Variants in SHISA9 observed in about 807,000 individuals in gnomAD.
The protein encoded by SHISA9 is protein shisa-9.
Under a neutral mutation model 38.0 loss-of-function variants are expected in SHISA9, and 13 were observed. The observed-to-expected ratio is 0.34, with a 90% CI of 0.22 to 0.54. The LOEUF (loss-of-function observed/expected upper bound fraction) is 0.54. Ranked by LOEUF, SHISA9 falls within the 20% of genes least tolerant of loss-of-function variation. The pLI is 0.91. For synonymous variants in SHISA9, 275 were observed against 242.0 expected (o/e 1.14, Z -1.27); for missense variants, 538 against 575.8 (o/e 0.93, Z 0.67).
chr16:13,268,877 T>G, the SHISA9 span, among the ~76,000 whole-genome samples: 1 of 152,196 alleles, frequency 6.6e-6, no homozygotes, highest in African/African-American at 2.4e-5. Context: ...GGACACATGA[T>G]ACCAGTTATA....
chr16:12,991,192 C>T (rs1026049808), intron 2 of SHISA9, among the ~76,000 whole-genome samples: 2 of 152,152 alleles, frequency 1.3e-5, no homozygotes, highest in Non-Finnish European at 2.9e-5. Context: ...TCATGCCCCT[C>T]ACCCATTTTT....
intron 2 of SHISA9, among the ~76,000 whole-genome samples, chr16:12,983,682 G>T (rs1327078624): frequency 6.6e-6 from 1 of 152,128 alleles, no homozygotes; most frequent in African/African-American, 2.4e-5. Flanking sequence ...TAGTGACAGG[G>T]TTTCACCATG....
chr16:12,942,614 G>C lies in SHISA9; in HGVS notation c.691+25799G>C, dbSNP rs570500444. On this transcript the variant is annotated intron_variant, in intron 2 of 4. Coordinates refer to ENST00000558583, the MANE Select transcript of SHISA9 (RefSeq NM_001145204.3). ...ATTGTGCTTTGAGAAATAAGTGCTA[G>C]AAAAAAGCTTTGCTGGTCCTAAGGA... Among the ~76,000 whole-genome samples the C allele has an allele frequency of 2.0e-4, 31 of 152,268 alleles. No individual in the cohort carries two copies. In the South Asian group the frequency reaches 6.4e-3, roughly 32 times the overall value.
chr16:13,329,798 G>A, the SHISA9 span, among the ~76,000 whole-genome samples: 4 of 152,134 alleles, frequency 2.6e-5, no homozygotes, highest in East Asian at 1.9e-4. Context: ...TGTTGCGTCC[G>A]TCCTGGAAAG....
chr16:12,914,562 T>G (rs2071229232), intron 1 of SHISA9, among the ~76,000 whole-genome samples: 1 of 152,142 alleles, frequency 6.6e-6, no homozygotes, highest in African/African-American at 2.4e-5. Context: ...AGTCTTTTCC[T>G]CTCATTCATA....
the SHISA9 span, among the ~76,000 whole-genome samples, chr16:13,343,767 T>A: frequency 6.6e-6 from 1 of 152,182 alleles, no homozygotes; most frequent in Non-Finnish European, 1.5e-5. Flanking sequence ...AAAGGCTGAC[T>A]AATTATATTA....
chr16:13,257,957 A>G, the SHISA9 span, among the ~76,000 whole-genome samples: 1 of 152,238 alleles, frequency 6.6e-6, no homozygotes, highest in African/African-American at 2.4e-5. Context: ...TAAAAACATC[A>G]TGACCAGACT....
chr16:13,305,735 C>T, the SHISA9 span, among the ~76,000 whole-genome samples: 1 of 152,188 alleles, frequency 6.6e-6, no homozygotes, highest in African/African-American at 2.4e-5. Context: ...AATAACCCAA[C>T]TAGATCACTT....
chr16:13,278,204 G>T, the SHISA9 span, among the ~76,000 whole-genome samples: 1 of 151,952 alleles, frequency 6.6e-6, no homozygotes, highest in South Asian at 2.1e-4. Flanking sequence ...TTCTGTTTAC[G>T]TGGTGTATCA....
the SHISA9 span, among the ~76,000 whole-genome samples, chr16:13,324,537 A>G: frequency 6.6e-6 from 1 of 152,020 alleles, no homozygotes. Flanking sequence ...AAGTAATTTC[A>G]CTTCTATGAG....
chr16:13,276,731 A>G, the SHISA9 span, among the ~76,000 whole-genome samples: 4 of 151,972 alleles, frequency 2.6e-5, no homozygotes, highest in Admixed American at 6.6e-5. Flanking sequence ...AAAACTGTCT[A>G]TTCATATCCT....
intron 2 of SHISA9, among the ~76,000 whole-genome samples, chr16:12,917,364 G>A (rs2071271981): frequency 6.6e-6 from 1 of 152,106 alleles, no homozygotes; most frequent in Admixed American, 6.6e-5. Context: ...GGGGTGCAGG[G>A]AGTGGTTATT....
At chr16:13,528,425 A>G in the SHISA9 span, among the ~76,000 whole-genome samples, 4 of 151,754 alleles carry the variant, frequency 2.6e-5, no homozygotes, top group Non-Finnish European at 5.9e-5. Context: ...AAAAAAAAAT[A>G]AGAAAAAAAG....
chr16:13,088,336 T>C (rs1392863418), intron 2 of SHISA9, among the ~76,000 whole-genome samples: 1 of 152,212 alleles, frequency 6.6e-6, no homozygotes. Context: ...TGTAGTTTTT[T>C]CCAATTCTGT....
intron 2 of SHISA9, among the ~76,000 whole-genome samples, chr16:13,044,978 A>G (rs2073170471): frequency 6.6e-6 from 1 of 152,234 alleles, no homozygotes; most frequent in Non-Finnish European, 1.5e-5. Flanking sequence ...TGTTAACCAC[A>G]TGGATTCTGG....
Position 12,902,103 on chromosome 16 carries a change from C to T in SHISA9, c.39C>T (p.Leu13=). ...RVLRLLLGCF[L]TELCARVCRA... is the part of the protein sequence containing the mutation. Reference sequence around the variant, plus strand: ...TTCGGCTGCTCCTCGGTTGCTTCCTCACCGAGCTGTGCGCCCGCGTGTGCC... The same window carrying T: ...TTCGGCTGCTCCTCGGTTGCTTCCTTACCGAGCTGTGCGCCCGCGTGTGCC... The change falls in exon 1 of 5, where the codon CTC becomes CTT. Residue 13 remains leucine, a synonymous_variant. Coordinates refer to ENST00000558583, the MANE Select transcript of SHISA9 (RefSeq NM_001145204.3). 1.3e-6 allele frequency: 2 copies of T among 1,499,198 alleles called. No homozygotes were observed. Among genetic ancestry groups the T allele is most frequent in the Non-Finnish European group, 1.8e-6 (2 of 1,132,778 alleles). The allele number at this position is 1,499,198 out of a possible 1,614,324, so 92.9% of individuals were successfully genotyped here.
chr16:13,436,668 G>T, the SHISA9 span, among the ~76,000 whole-genome samples: 1 of 152,134 alleles, frequency 6.6e-6, no homozygotes, highest in Non-Finnish European at 1.5e-5. Flanking sequence ...GATCCAAGAA[G>T]CCTCTCCTGT....
At chr16:13,156,366 T>G (rs2050546773) in intron 2 of SHISA9, among the ~76,000 whole-genome samples, 1 of 152,206 alleles carries the variant, frequency 6.6e-6, no homozygotes, top group Non-Finnish European at 1.5e-5. Context: ...AGCCCATTAT[T>G]AATTGTGTGT....
At chr16:13,049,153 A>AGTGTCTGTGTGTGTGTGT (rs1325522183) in intron 2 of SHISA9, among the ~76,000 whole-genome samples, 3 of 138,534 alleles carry the variant, frequency 2.2e-5, no homozygotes, top group South Asian at 2.4e-4. Flanking sequence ...TTTGGTTAGG[A>AGTGTCTGTGTGTGTGTGT]GTATGTGTGT....
Sources: gnomAD v4.1 joint callset for allele counts (sites outside exome capture counted in the v4.1 genomes callset) on GRCh38, gnomAD v4.1.1 for gene constraint, MANE v1.5 for transcripts, NCBI Gene and HGNC (gene_info 2026-07-23, HGNC 2026-07-21) for gene names.